VIT: variants seen among roughly 807,000 people sequenced by gnomAD.
VIT encodes vitrin.
In VIT, 99 loss-of-function variants were observed where a neutral mutation model predicts 78.0. The ratio of observed to expected loss-of-function variants is 1.27; its 90% confidence interval spans 1.08 to 1.50. The LOEUF (loss-of-function observed/expected upper bound fraction) is 1.50, where lower values mean the gene tolerates loss of function less well. Ranked by LOEUF, VIT falls within the 40% of genes most tolerant of loss-of-function variation. The pLI is 0.00. For missense variants in VIT, 1,126 were observed against 875.3 expected, an observed-to-expected ratio of 1.29 and a Z score of -3.61; for synonymous variants, 374 against 334.3, an observed-to-expected ratio of 1.12 and a Z score of -1.29.
intron 1 of VIT, among the ~76,000 whole-genome samples, chr2:36,709,520 T>C (rs1486942265): frequency 1.3e-5 from 2 of 152,248 alleles, no homozygotes; most frequent in Non-Finnish European, 2.9e-5. Context: ...ACCTGCATCT[T>C]GTTTCTGCCT....
At chr2:36,742,133 A>T (rs1199114684) in intron 3 of VIT, among the ~76,000 whole-genome samples, 1 of 152,152 alleles carries the variant, frequency 6.6e-6, no homozygotes, top group Admixed American at 6.5e-5. Flanking sequence ...CCAGATCAAA[A>T]GGCACCAGTA....
In VIT at chr2:36,787,264, T is replaced by C; in HGVS notation, c.1046T>C (p.Val349Ala). 1 of 1,614,120 alleles carries C rather than the reference T, an allele frequency of 6.2e-7. No homozygotes were observed. The highest frequency in any genetic ancestry group is 8.5e-7 in the Non-Finnish European group (1 of 1,179,998). Residue 349 changes from valine to alanine, a missense_variant, in exon 12 of 16, where the codon GTT becomes GCT. Transcript: ENST00000379242. ...GGCCCTGCCGGTCCACTGATGGGTGTTGTCCAGTATGGGTAAGTGCAGTTA... is the reference window on the plus strand; with the variant it reads ...GGCCCTGCCGGTCCACTGATGGGTGCTGTCCAGTATGGGTAAGTGCAGTTA... Reference protein sequence around the residue: ...DIGPAGPLMGVVQYGDNPATH... With the variant: ...DIGPAGPLMGAVQYGDNPATH...
intron 2 of VIT, among the ~76,000 whole-genome samples, chr2:36,726,241 T>A (rs1666836782): frequency 6.6e-6 from 1 of 152,118 alleles, no homozygotes; most frequent in East Asian, 1.9e-4. Flanking sequence ...TTATGATACA[T>A]CCATATAGTG....
At chr2:36,771,532 AAAAAAGAAAAAG>A (rs964022649) in intron 7 of VIT, among the ~76,000 whole-genome samples, 1 of 151,624 alleles carries the variant, frequency 6.6e-6, no homozygotes, top group Non-Finnish European at 1.5e-5. Context: ...TCTCAAAAAA[AAAAAAGAAAAAG>A]AAAAAGAAAA....
chr2:36,795,145 G>C (rs1665779647), intron 12 of VIT, among the ~76,000 whole-genome samples: 2 of 152,164 alleles, frequency 1.3e-5, no homozygotes, highest in South Asian at 4.1e-4. Context: ...GTAGGTTACA[G>C]TCAAATCCTC....
intron 1 of VIT, among the ~76,000 whole-genome samples, chr2:36,702,334 C>T (rs1407087656): frequency 1.3e-5 from 2 of 152,092 alleles, no homozygotes; most frequent in African/African-American, 4.8e-5. Context: ...CACCGCCTAC[C>T]GCTCACTCAC....
chr2:36,726,813 T>C (rs1245059137), intron 2 of VIT, among the ~76,000 whole-genome samples: 1 of 115,604 alleles, frequency 8.7e-6, no homozygotes, highest in South Asian at 3.0e-4. Flanking sequence ...AGTGGGACTC[T>C]GTCTCAAAAA....
At chr2:36,750,416 A>C (rs988234821) in intron 4 of VIT, among the ~76,000 whole-genome samples, 2 of 152,148 alleles carry the variant, frequency 1.3e-5, no homozygotes, top group Non-Finnish European at 2.9e-5. Flanking sequence ...TTGATCCTAG[A>C]TGATTCGTTC....
At chr2:36,704,402 C>T (rs62132518) in intron 1 of VIT, among the ~76,000 whole-genome samples, 7,370 of 152,246 alleles carry the variant, frequency 0.048, 287 homozygotes, top group Middle Eastern at 0.14. Flanking sequence ...ATGAACTCTA[C>T]ACTTCTAAAA....
intron 6 of VIT, among the ~76,000 whole-genome samples, chr2:36,763,554 A>G: frequency 6.9e-6 from 1 of 145,430 alleles, no homozygotes; most frequent in Non-Finnish European, 1.5e-5. Flanking sequence ...AGCAATTGGG[A>G]TAGGAGGAGT....
intron 7 of VIT, among the ~76,000 whole-genome samples, chr2:36,773,298 T>A (rs1369750178): frequency 6.6e-6 from 1 of 151,530 alleles, no homozygotes; most frequent in Non-Finnish European, 1.5e-5. Flanking sequence ...TAGTTTTTAG[T>A]TGGTGTTTTA....
chr2:36,744,252 T>C (rs1341001208), intron 4 of VIT, among the ~76,000 whole-genome samples: 1 of 152,210 alleles, frequency 6.6e-6, no homozygotes, highest in African/African-American at 2.4e-5. Context: ...CTATTGTGAA[T>C]AGTGCTGCAA....
chr2:36,805,410 C>T lies in VIT; in HGVS notation c.1163-28C>T, dbSNP rs548216874. 47 of 1,574,284 alleles carry T rather than the reference C, an allele frequency of 3.0e-5. 1 individual carries two copies. Among genetic ancestry groups the T allele is most frequent in the Non-Finnish European group, 3.8e-5 (44 of 1,162,020 alleles). ...TGTATTTATAATCAGCGTGATCACT[C>T]CAAGCATGAATTTTCTTTTTCTTCC... On this transcript the variant is annotated intron_variant, in intron 13 of 15. Coordinates refer to ENST00000379242, the MANE Select transcript of VIT (RefSeq NM_053276.4).
intron 2 of VIT, among the ~76,000 whole-genome samples, chr2:36,726,782 G>C (rs1317106227): frequency 3.7e-5 from 5 of 134,542 alleles, no homozygotes; most frequent in African/African-American, 5.8e-5. Flanking sequence ...TCACACTACT[G>C]CACTCCGGCA....
rs138143496 is a variant in VIT, at chr2:36,743,164, A to T, written c.183A>T (p.Lys61Asn). The change falls in exon 4 of 16, where the codon AAA becomes AAT. Residue 61 changes from lysine (K) to asparagine (N), a missense_variant. Coordinates refer to ENST00000379242, the MANE Select transcript of VIT (RefSeq NM_053276.4). ...GKIIDPEFIV[K>N]CPAGCQDPKY... ...TCATCGATCCTGAGTTCATTGTGAA[A>T]TGTCCAGCAGGATGCCAAGACCCCA... The T allele has an allele frequency of 1.9e-3, 2,988 of 1,614,074 alleles. 5 individuals are homozygous for T. Among genetic ancestry groups the T allele is most frequent in the Non-Finnish European group, 2.3e-3 (2,681 of 1,179,960 alleles).
intron 15 of VIT, among the ~76,000 whole-genome samples, chr2:36,811,279 C>T (rs1252409982): frequency 6.6e-6 from 1 of 152,192 alleles, no homozygotes; most frequent in Non-Finnish European, 1.5e-5. Context: ...GACGGCAAGC[C>T]CAAGGCTCTC....
At position 36,808,516 on chromosome 2, in the gene VIT, C is replaced by G. The variant is rs971205799; in HGVS notation, c.1434C>G (p.Ser478Arg). The change falls in exon 15 of 16, where the codon AGC (serine) becomes AGG (arginine). Residue 478 changes from serine (S) to arginine (R), a missense_variant. Coordinates refer to ENST00000379242, the MANE Select transcript of VIT (RefSeq NM_053276.4). ...GCTTCTACTCGCTCCACGTGCAGAG[C>G]TGGTTTGGCCTCCACAAGACCCTGC... is the stretch of plus-strand genomic sequence containing the variant. ...TNGFYSLHVQ[S>R]WFGLHKTLQP... is the part of the protein sequence containing the mutation. 2 of 1,613,316 alleles carry G rather than the reference C, an allele frequency of 1.2e-6. No individual in the cohort carries two copies. Among genetic ancestry groups the G allele is most frequent in the Non-Finnish European group, 1.7e-6 (2 of 1,179,606 alleles).
chr2:36,797,010 T>C (rs960802664), intron 12 of VIT, among the ~76,000 whole-genome samples: 78 of 152,184 alleles, frequency 5.1e-4, no homozygotes, highest in African/African-American at 1.7e-3. Context: ...AATAACATTA[T>C]GTTTGATGGA....
chr2:36,787,022 T>C (rs1665141381), intron 11 of VIT, 107 bp from the exon 12 acceptor site: 2 of 1,413,782 alleles, frequency 1.4e-6, no homozygotes, highest in Non-Finnish European at 1.9e-6. Flanking sequence ...TTTTTCCCTT[T>C]CTTTTCATTT....
Sources: allele counts gnomAD v4.1 joint callset (sites outside exome capture counted in the v4.1 genomes callset), GRCh38; gene constraint gnomAD v4.1.1; transcripts MANE v1.5; gene names NCBI Gene and HGNC (gene_info 2026-07-23, HGNC 2026-07-21).